The following DCC variants were observed in gnomAD, a reference collection of about 807,000 sequenced individuals.
DCC encodes DCC netrin 1 receptor.
A neutral mutation model predicts 172.5 loss-of-function variants in DCC; 58 were observed. That is an observed-to-expected ratio of 0.34 (90% CI 0.27 to 0.42). The LOEUF is 0.42. Among genes scored for constraint, DCC ranks in the 10% least tolerant of loss-of-function variants. The pLI, the probability that DCC is intolerant of heterozygous loss-of-function variation, is 1.00. For synonymous variants in DCC, 709 were observed against 644.5 expected (o/e 1.10, Z -1.52); for missense variants, 1,740 against 1,791.0 (o/e 0.97, Z 0.51).
chr18:53,095,533 G>T (rs4258694), intron 7 of DCC, among the ~76,000 whole-genome samples: 4,096 of 152,238 alleles, frequency 0.027, 186 homozygotes, highest in African/African-American at 0.093. Flanking sequence ...TCTAAATTCA[G>T]TCTAACCAGC....
intron 1 of DCC, among the ~76,000 whole-genome samples, chr18:52,679,756 T>C (rs891757909): frequency 1.3e-5 from 2 of 152,134 alleles, no homozygotes; most frequent in African/African-American, 2.4e-5. Context: ...TACCACAAAA[T>C]TGTGTAGCAG....
intron 5 of DCC, among the ~76,000 whole-genome samples, chr18:53,024,948 T>G (rs1220615385): frequency 6.6e-6 from 1 of 152,168 alleles, no homozygotes. Flanking sequence ...AACATTATCA[T>G]TGTAAATTTT....
At chr18:53,319,611 A>G (rs1248028505) in intron 13 of DCC, among the ~76,000 whole-genome samples, 1 of 152,232 alleles carries the variant, frequency 6.6e-6, no homozygotes, top group Non-Finnish European at 1.5e-5. Context: ...CCAGCAGGAA[A>G]TACATACTAA....
chr18:52,373,652 T>G (rs1985219816), intron 1 of DCC, among the ~76,000 whole-genome samples: 1 of 152,142 alleles, frequency 6.6e-6, no homozygotes, highest in African/African-American at 2.4e-5. Flanking sequence ...TAGAGCTCTC[T>G]CTCTCTCTCT....
intron 20 of DCC, 114 bp from the exon 21 acceptor site, chr18:53,416,010 G>T: frequency 1.3e-6 from 1 of 753,688 alleles, no homozygotes. Flanking sequence ...TTTATTTCAA[G>T]AGGGCACTAG....
intron 2 of DCC, among the ~76,000 whole-genome samples, chr18:52,836,076 C>A (rs2038699429): frequency 6.6e-6 from 1 of 152,038 alleles, no homozygotes; most frequent in Non-Finnish European, 1.5e-5. Flanking sequence ...TAATGAGTGC[C>A]CAGTGAAGGG....
At chr18:53,448,202 T>C (rs1200427931) in intron 22 of DCC, among the ~76,000 whole-genome samples, 1 of 152,198 alleles carries the variant, frequency 6.6e-6, no homozygotes, top group Non-Finnish European at 1.5e-5. Context: ...ATTAATACGT[T>C]CTTACAATGC....
intron 10 of DCC, among the ~76,000 whole-genome samples, chr18:53,205,711 G>GGT (rs1355738909): frequency 8.5e-5 from 13 of 152,072 alleles, no homozygotes; most frequent in Non-Finnish European, 1.2e-4. Context: ...TAGACTAAGG[G>GGT]GTGATTGCCC....
chr18:52,933,643 T>C (rs2145507442), intron 5 of DCC, among the ~76,000 whole-genome samples: 1 of 152,202 alleles, frequency 6.6e-6, no homozygotes, highest in South Asian at 2.1e-4. Flanking sequence ...AGTGGAAACA[T>C]ATGGAAAGAT....
chr18:53,180,257 T>A (rs1348259749), intron 9 of DCC, among the ~76,000 whole-genome samples: 1 of 152,158 alleles, frequency 6.6e-6, no homozygotes, highest in African/African-American at 2.4e-5. Context: ...GATAACAAAT[T>A]GGAATAAAGT....
chr18:52,468,224 A>G (rs550828257), intron 1 of DCC, among the ~76,000 whole-genome samples: 9 of 152,354 alleles, frequency 5.9e-5, no homozygotes, highest in African/African-American at 2.2e-4. Context: ...TAATGTCAAG[A>G]TAAAACAGAA....
intron 27 of DCC, among the ~76,000 whole-genome samples, chr18:53,519,648 C>A (rs2046378039): frequency 6.6e-6 from 1 of 151,478 alleles, no homozygotes; most frequent in Non-Finnish European, 1.5e-5. Context: ...GGAAGAGATT[C>A]TTTTCATTTT....
At chr18:52,863,893 G>C (rs1314050546) in intron 2 of DCC, among the ~76,000 whole-genome samples, 2 of 151,956 alleles carry the variant, frequency 1.3e-5, no homozygotes, top group Non-Finnish European at 2.9e-5. Context: ...ATATTTCATT[G>C]ATAACTCAGC....
intron 13 of DCC, 47 bp from the exon 14 acceptor site, chr18:53,322,000 T>A: frequency 1.0e-6 from 1 of 1,004,748 alleles, no homozygotes; most frequent in Non-Finnish European, 1.6e-6. Flanking sequence ...GTAGGAATAC[T>A]TGGTGCATAG....
chr18:52,780,710 T>C (rs9962392), intron 2 of DCC, among the ~76,000 whole-genome samples: 12,486 of 152,200 alleles, frequency 0.082, 736 homozygotes, highest in South Asian at 0.16. Flanking sequence ...TGTCCTTGTG[T>C]GATATTACTT....
intron 12 of DCC, among the ~76,000 whole-genome samples, chr18:53,293,662 C>T (rs1330870509): frequency 2.0e-5 from 3 of 151,986 alleles, no homozygotes; most frequent in Admixed American, 1.3e-4. Flanking sequence ...TCTTTTGCCT[C>T]CCTTTTTGTG....
intron 12 of DCC, among the ~76,000 whole-genome samples, chr18:53,234,284 C>T (rs2056167297): frequency 6.6e-6 from 1 of 151,794 alleles, no homozygotes; most frequent in Non-Finnish European, 1.5e-5. Flanking sequence ...CAAAAATTAG[C>T]CGGGCGTGGT....
intron 19 of DCC, among the ~76,000 whole-genome samples, chr18:53,404,912 A>G (rs1234174330): frequency 1.3e-5 from 2 of 152,084 alleles, no homozygotes; most frequent in Admixed American, 1.3e-4. Context: ...GTGGAAAAAT[A>G]AAAGTATGGG....
Position 53,391,900 on chromosome 18 carries a change from T to A in DCC, c.2688+13T>A. The A allele has an allele frequency of 1.4e-6, 2 of 1,401,776 alleles. No individual in the cohort carries two copies. Among genetic ancestry groups the A allele is most frequent in the Non-Finnish European group, 2.0e-6 (2 of 986,200 alleles). The allele number at this position is 1,401,776 out of a possible 1,614,324, so 86.8% of individuals were successfully genotyped here. A position where few individuals can be genotyped will look rare whatever the true frequency, so the allele number is the denominator to read the frequency against. On this transcript the variant is annotated intron_variant, in intron 17 of 28. Coordinates refer to ENST00000442544, the MANE Select transcript of DCC (RefSeq NM_005215.4). Reference sequence around the variant, plus strand: ...TGCAAAATACAAGGTGAAGTTCTAATTGATAGCATGAAATTTAAAATGAAC... The same window carrying A: ...TGCAAAATACAAGGTGAAGTTCTAAATGATAGCATGAAATTTAAAATGAAC...
Sources: gnomAD v4.1 joint callset for allele counts (sites outside exome capture counted in the v4.1 genomes callset) on GRCh38, gnomAD v4.1.1 for gene constraint, MANE v1.5 for transcripts, NCBI Gene and HGNC (gene_info 2026-07-23, HGNC 2026-07-21) for gene names.